The following CLSTN2 variants were observed in gnomAD, a reference collection of about 807,000 sequenced individuals.
CLSTN2 encodes the protein calsyntenin 2.
CLSTN2 carries 48 observed loss-of-function variants against 101.2 expected under a neutral mutation model. The ratio of observed to expected loss-of-function variants is 0.47; its 90% confidence interval spans 0.38 to 0.60. The LOEUF is 0.60. Ranked by LOEUF, CLSTN2 falls within the 20% of genes least tolerant of loss-of-function variation. CLSTN2 has a pLI of 0.00. For synonymous variants in CLSTN2, 481 were observed against 463.6 expected (o/e 1.04, Z -0.48); for missense variants, 1,160 against 1,238.2 (o/e 0.94, Z 0.95).
At chr3:140,022,894 G>C (rs1413376814) in intron 1 of CLSTN2, among the ~76,000 whole-genome samples, 1 of 152,184 alleles carries the variant, frequency 6.6e-6, no homozygotes. Context: ...AGATCCCTGA[G>C]TCCCTGTGCG....
chr3:140,523,342 G>C (rs1405906290), intron 8 of CLSTN2, among the ~76,000 whole-genome samples: 1 of 152,066 alleles, frequency 6.6e-6, no homozygotes, highest in Non-Finnish European at 1.5e-5. Context: ...GCTACTCATG[G>C]ACTTTAAAAC....
At chr3:140,417,233 TCAC>T (rs2107987630) in intron 4 of CLSTN2, among the ~76,000 whole-genome samples, 1 of 152,346 alleles carries the variant, frequency 6.6e-6, no homozygotes, top group East Asian at 1.9e-4. Flanking sequence ...TTCTTTATAA[TCAC>T]CACTTTTACT....
At chr3:140,393,621 A>G (rs1395870989) in intron 2 of CLSTN2, among the ~76,000 whole-genome samples, 1 of 152,176 alleles carries the variant, frequency 6.6e-6, no homozygotes, top group Non-Finnish European at 1.5e-5. Flanking sequence ...TAACTCTCCA[A>G]GGTGTTTCAA....
At position 140,394,719 on chromosome 3, in the gene CLSTN2, C is replaced by T. The variant is rs2088160902; in HGVS notation, c.233-8910C>T. Among the ~76,000 whole-genome samples, 4 of 152,298 alleles carry T rather than the reference C, an allele frequency of 2.6e-5. No individual in the cohort carries two copies. In the South Asian group the frequency reaches 8.3e-4, roughly 32 times the overall value. ...ATCTCCAGCCCCAGGCAGGTCAGGG[C>T]ACAGAACGATGTAGGCTGTTTTCAC... On this transcript the variant is annotated intron_variant, in intron 2 of 16. Coordinates refer to ENST00000458420, the MANE Select transcript of CLSTN2 (RefSeq NM_022131.3).
chr3:140,205,865 G>A (rs564132669), intron 2 of CLSTN2, among the ~76,000 whole-genome samples: 4 of 152,112 alleles, frequency 2.6e-5, no homozygotes, highest in African/African-American at 4.8e-5. Context: ...GTCCCCACCG[G>A]TCAGTCCCTG....
intron 8 of CLSTN2, among the ~76,000 whole-genome samples, chr3:140,517,030 C>G (rs76195497): frequency 2.0e-5 from 3 of 152,048 alleles, no homozygotes; most frequent in Non-Finnish European, 4.4e-5. Flanking sequence ...TTAAAAAATT[C>G]TTTCTTCTTT....
chr3:140,330,899 C>T (rs1436486794), intron 2 of CLSTN2, among the ~76,000 whole-genome samples: 3 of 152,122 alleles, frequency 2.0e-5, no homozygotes, highest in African/African-American at 7.2e-5. Context: ...CTCTGCTCAC[C>T]AGGTGTATTA....
chr3:140,527,577 A>G (rs1038611153), intron 8 of CLSTN2, among the ~76,000 whole-genome samples: 9 of 152,220 alleles, frequency 5.9e-5, no homozygotes, highest in Admixed American at 5.2e-4. Flanking sequence ...CTGGATATTC[A>G]GAAGAAAATA....
At chr3:140,202,017 G>A (rs1209045277) in intron 2 of CLSTN2, among the ~76,000 whole-genome samples, 2 of 152,210 alleles carry the variant, frequency 1.3e-5, no homozygotes, top group African/African-American at 4.8e-5. Context: ...GTTTTCAGCA[G>A]AGGCAACTGC....
intron 1 of CLSTN2, among the ~76,000 whole-genome samples, chr3:139,977,709 G>A (rs1935843386): frequency 1.3e-5 from 2 of 151,600 alleles, no homozygotes; most frequent in South Asian, 2.1e-4. Context: ...CTGGGGAGGG[G>A]GTGGGGGGCA....
intron 4 of CLSTN2, among the ~76,000 whole-genome samples, chr3:140,412,274 C>G (rs1206642634): frequency 6.6e-6 from 1 of 152,202 alleles, no homozygotes; most frequent in Admixed American, 6.5e-5. Flanking sequence ...CTCAACCTCC[C>G]AAAGCACTGG....
rs536354280 is a variant in CLSTN2 at position 140,075,983 on chromosome 3, G to A, written c.110-99968G>A. Among the ~76,000 whole-genome samples, 33 of 152,126 alleles carry A rather than the reference G, an allele frequency of 2.2e-4. No individual in the cohort carries two copies. The South Asian group carries it at 6.4e-3, about 30-fold the overall frequency. ...ACCCTCTTAAAAATATTCCCTGTGT[G>A]CAATACAGTATTGTTAACTATAGAC... is the stretch of plus-strand genomic sequence containing the variant. On this transcript the variant is annotated intron_variant, in intron 1 of 16. Coordinates refer to ENST00000458420, the MANE Select transcript of CLSTN2 (RefSeq NM_022131.3).
intron 2 of CLSTN2, among the ~76,000 whole-genome samples, chr3:140,306,580 C>G (rs1196796877): frequency 6.6e-6 from 1 of 152,158 alleles, no homozygotes; most frequent in Non-Finnish European, 1.5e-5. Flanking sequence ...ATAATAAGAA[C>G]AATGCCTGCC....
At chr3:140,290,298 A>G (rs548919595) in intron 2 of CLSTN2, among the ~76,000 whole-genome samples, 27 of 152,094 alleles carry the variant, frequency 1.8e-4, no homozygotes, top group Non-Finnish European at 3.4e-4. Flanking sequence ...GAGGAACTGG[A>G]AATACAGGGA....
At chr3:140,485,244 A>G (rs1467857446) in intron 8 of CLSTN2, among the ~76,000 whole-genome samples, 4 of 152,246 alleles carry the variant, frequency 2.6e-5, no homozygotes, top group African/African-American at 9.6e-5. Flanking sequence ...TTTCCTGGGT[A>G]TCAGCAGCAG....
At chr3:140,173,352 C>T (rs369181238) in intron 1 of CLSTN2, among the ~76,000 whole-genome samples, 39 of 152,330 alleles carry the variant, frequency 2.6e-4, no homozygotes, top group African/African-American at 6.7e-4. Context: ...CCCATGGTCT[C>T]GGGAAGCTCC....
intron 2 of CLSTN2, among the ~76,000 whole-genome samples, chr3:140,319,613 A>G (rs1033621104): frequency 3.9e-5 from 6 of 152,316 alleles, no homozygotes; most frequent in African/African-American, 1.4e-4. Flanking sequence ...AGGAAGTGGG[A>G]TAGGAAATGG....
chr3:140,157,211 T>C (rs959015202), intron 1 of CLSTN2, among the ~76,000 whole-genome samples: 8 of 151,956 alleles, frequency 5.3e-5, no homozygotes, highest in East Asian at 1.9e-4. Context: ...GTTTTTTTTT[T>C]CCCCATTGTG....
intron 2 of CLSTN2, among the ~76,000 whole-genome samples, chr3:140,262,364 CA>C (rs1467458179): frequency 1.3e-5 from 2 of 152,158 alleles, no homozygotes; most frequent in East Asian, 3.9e-4. Context: ...TTCAACTGCC[CA>C]GGGGCAGGCA....
Sources: gnomAD v4.1 joint callset for allele counts (sites outside exome capture counted in the v4.1 genomes callset) on GRCh38, gnomAD v4.1.1 for gene constraint, MANE v1.5 for transcripts, NCBI Gene and HGNC (gene_info 2026-07-23, HGNC 2026-07-21) for gene names.